The following ATP8A2 variants were observed in gnomAD, a reference collection of about 807,000 sequenced individuals.
ATP8A2 encodes the protein ATPase phospholipid transporting 8A2, also known as phospholipid-transporting ATPase IB.
ATP8A2 carries 100 observed loss-of-function variants against 165.6 expected under a neutral mutation model. The observed-to-expected ratio is 0.60, with a 90% confidence interval of 0.51 to 0.71. ATP8A2 has a LOEUF of 0.71. ATP8A2 is among the 30% of genes least tolerant of loss of function. The pLI is 0.00. For synonymous variants in ATP8A2, 543 were observed against 548.8 expected (o/e 0.99, Z 0.15); for missense variants, 1,227 against 1,479.5 (o/e 0.83, Z 2.80).
chr13:25,935,673 C>G (rs1028376202), intron 33 of ATP8A2, among the ~76,000 whole-genome samples: 1 of 152,034 alleles, frequency 6.6e-6, no homozygotes, highest in Non-Finnish European at 1.5e-5. Flanking sequence ...CTTTAAGCAA[C>G]GAGATCTCCT....
At position 25,837,176 on chromosome 13, in the gene ATP8A2, T is replaced by C. The variant is rs1245156307; in HGVS notation, c.2768T>C (p.Leu923Ser). 13 of 1,613,734 alleles carry C rather than the reference T, an allele frequency of 8.1e-6. No homozygotes were observed. Among genetic ancestry groups the C allele is most frequent in the Non-Finnish European group, 1.1e-5 (13 of 1,179,916 alleles). ...IGLYNVIFTA[L>S]PPFTLGIFER... is the part of the protein sequence containing the mutation. ...TTCTCCCTGCAGATTTTCACCGCTT[T>C]GCCGCCCTTCACTCTGGGAATCTTT... The change falls in exon 29 of 37, where the codon TTG (leucine) becomes TCG (serine). Residue 923 changes from leucine (L) to serine (S), a missense_variant. Physicochemically the swap from Leu to Ser is moderately radical, Grantham distance 145. Coordinates refer to ENST00000381655, the MANE Select transcript of ATP8A2 (RefSeq NM_016529.6).
At chr13:25,636,048 G>A (rs760249747) in intron 24 of ATP8A2, among the ~76,000 whole-genome samples, 10 of 152,156 alleles carry the variant, frequency 6.6e-5, no homozygotes, top group East Asian at 3.9e-4. Context: ...GGTGGGGGAC[G>A]TAGTGGTGCC....
At chr13:25,633,997 C>T (rs970505948) in intron 24 of ATP8A2, among the ~76,000 whole-genome samples, 5 of 151,160 alleles carry the variant, frequency 3.3e-5, no homozygotes, top group East Asian at 1.9e-4. Flanking sequence ...AAAGATCATA[C>T]GGAAATCCGA....
intron 2 of ATP8A2, among the ~76,000 whole-genome samples, chr13:25,521,047 A>G (rs1298359146): frequency 6.6e-6 from 1 of 152,096 alleles, no homozygotes; most frequent in Non-Finnish European, 1.5e-5. Context: ...TGTCTTTTTT[A>G]TAATAGCCAT....
intron 2 of ATP8A2, among the ~76,000 whole-genome samples, chr13:25,482,115 G>GA (rs2036222875): frequency 1.3e-5 from 2 of 152,070 alleles, no homozygotes; most frequent in Non-Finnish European, 2.9e-5. Flanking sequence ...TTATTTTTTG[G>GA]AGGTATATAT....
rs1566224490 is a variant in ATP8A2, at chr13:25,528,743, T to TGTGTATGCATACATATGCAACA, written c.222-1256_222-1255insGTGTATGCATACATATGCAACA. The stretch of plus-strand genomic sequence containing the variant: ...TGTTACATATGCATACATATGCAAC[T>TGTGTATGCATACATATGCAACA]TGTGTATGCATACATATGCAACATG... On this transcript the variant is annotated intron_variant, in intron 2 of 36. Transcript: ENST00000381655. Among the ~76,000 whole-genome samples, 40 of 139,220 alleles carry TGTGTATGCATACATATGCAACA rather than the reference T, an allele frequency of 2.9e-4. 1 individual carries two copies. Among genetic ancestry groups the TGTGTATGCATACATATGCAACA allele is most frequent in the South Asian group, 1.8e-3 (8 of 4,430 alleles). 91.3% of individuals were successfully genotyped at this position (139,220 alleles called of 152,430 possible).
intron 24 of ATP8A2, among the ~76,000 whole-genome samples, chr13:25,662,667 G>T (rs1375057595): frequency 2.0e-5 from 3 of 152,166 alleles, no homozygotes; most frequent in African/African-American, 7.2e-5. Flanking sequence ...AAATGAATTA[G>T]TGAGTAATCC....
At chr13:25,827,895 G>T (rs189649462) in intron 27 of ATP8A2, among the ~76,000 whole-genome samples, 14 of 152,306 alleles carry the variant, frequency 9.2e-5, no homozygotes, top group Middle Eastern at 3.4e-3. Flanking sequence ...TATTATCTCT[G>T]AAAGTAGATG....
At chr13:25,533,456 C>CTAA (rs1372577933) in intron 6 of ATP8A2, 143 bp downstream of exon 6, 11 of 512,620 alleles carry the variant, frequency 2.1e-5, no homozygotes, top group Non-Finnish European at 1.7e-5. Flanking sequence ...CGTGTTTACT[C>CTAA]CTTCCCTTGC....
rs2040356420 is a variant in ATP8A2 at position 25,600,552 on chromosome 13, CT to C, written c.2211+10855del. Among the ~76,000 whole-genome samples the C allele has an allele frequency of 2.6e-5, 4 of 152,288 alleles. No homozygotes were observed. In the South Asian group the frequency reaches 8.3e-4, roughly 32 times the overall value. On this transcript the variant is annotated intron_variant, in intron 24 of 36. Coordinates refer to ENST00000381655, the MANE Select transcript of ATP8A2 (RefSeq NM_016529.6). ...CAGAAGCCAGCGAGCCCTAGAGAGG[CT>C]TCAGGTCCATGCCCTGCAGCTTTGT...
intron 24 of ATP8A2, among the ~76,000 whole-genome samples, chr13:25,679,911 G>A (rs1040761343): frequency 6.6e-6 from 1 of 152,304 alleles, no homozygotes; most frequent in East Asian, 1.9e-4. Flanking sequence ...GACAGCATCA[G>A]TTTTCATGAA....
At chr13:25,588,757 G>T (rs1405525236) in intron 23 of ATP8A2, among the ~76,000 whole-genome samples, 2 of 152,222 alleles carry the variant, frequency 1.3e-5, no homozygotes, top group African/African-American at 4.8e-5. Context: ...TTGGTGGAAA[G>T]CACAAGTCGT....
intron 30 of ATP8A2, among the ~76,000 whole-genome samples, chr13:25,851,481 G>A (rs1952007429): frequency 6.6e-6 from 1 of 151,964 alleles, no homozygotes; most frequent in African/African-American, 2.4e-5. Flanking sequence ...TACCCGGGAG[G>A]CTGAGGCAGG....
intron 24 of ATP8A2, among the ~76,000 whole-genome samples, chr13:25,650,724 A>G (rs2041791827): frequency 1.3e-5 from 2 of 152,086 alleles, no homozygotes; most frequent in African/African-American, 2.4e-5. Flanking sequence ...TGTATCAACT[A>G]ATTTTCCTGT....
intron 24 of ATP8A2, among the ~76,000 whole-genome samples, chr13:25,668,390 G>T (rs2042198349): frequency 6.6e-6 from 1 of 152,108 alleles, no homozygotes; most frequent in Non-Finnish European, 1.5e-5. Flanking sequence ...GAAATTGGCA[G>T]TTGATTTTAT....
At chr13:25,476,869 C>G (rs1230167089) in intron 2 of ATP8A2, among the ~76,000 whole-genome samples, 1 of 152,160 alleles carries the variant, frequency 6.6e-6, no homozygotes, top group African/African-American at 2.4e-5. Flanking sequence ...GATGTACCAG[C>G]AGCAATTAAT....
At chr13:25,952,227 C>G (rs17082906) in intron 33 of ATP8A2, among the ~76,000 whole-genome samples, 1 of 152,128 alleles carries the variant, frequency 6.6e-6, no homozygotes, top group Non-Finnish European at 1.5e-5. Context: ...AAAATTGACA[C>G]CAAGCTCTAG....
intron 30 of ATP8A2, among the ~76,000 whole-genome samples, chr13:25,843,467 G>A (rs543937363): frequency 5.3e-5 from 8 of 152,182 alleles, no homozygotes; most frequent in African/African-American, 9.6e-5. Context: ...TGATTAGGTC[G>A]TGAGGGCGGA....
chr13:25,956,336 G>A (rs935334203), intron 33 of ATP8A2, among the ~76,000 whole-genome samples: 2 of 152,188 alleles, frequency 1.3e-5, no homozygotes, highest in African/African-American at 2.4e-5. Context: ...GATTGTCTCT[G>A]TTTGCACATG....
Sources: allele counts gnomAD v4.1 joint callset (sites outside exome capture counted in the v4.1 genomes callset), GRCh38; gene constraint gnomAD v4.1.1; transcripts MANE v1.5; gene names NCBI Gene and HGNC (gene_info 2026-07-23, HGNC 2026-07-21).